Variants in PIK3C2G observed in about 807,000 individuals in gnomAD.
The protein encoded by PIK3C2G is phosphatidylinositol-4-phosphate 3-kinase catalytic subunit type 2 gamma.
PIK3C2G carries 168 observed loss-of-function variants against 181.1 expected under a neutral mutation model. That is an observed-to-expected ratio of 0.93 (90% CI 0.82 to 1.05). The LOEUF (loss-of-function observed/expected upper bound fraction) is 1.05. Ranked by LOEUF, PIK3C2G falls within the 50% of genes least tolerant of loss-of-function variation. The pLI is 0.00. For missense variants in PIK3C2G, 1,869 were observed against 1,732.8 expected, an observed-to-expected ratio of 1.08 and a Z score of -1.40; for synonymous variants, 573 against 592.2, an observed-to-expected ratio of 0.97 and a Z score of 0.47.
intron 29 of PIK3C2G, among the ~76,000 whole-genome samples, chr12:18,586,501 C>T (rs1946786416): frequency 6.6e-6 from 1 of 151,450 alleles, no homozygotes. Flanking sequence ...TCCTGGACAC[C>T]ATCCCAAGAC....
the PIK3C2G span, among the ~76,000 whole-genome samples, chr12:18,673,832 C>G: frequency 3.9e-5 from 6 of 152,210 alleles, no homozygotes; most frequent in Admixed American, 3.9e-4. Context: ...CAGTTGCTCA[C>G]TGGCTGTTCC....
chr12:18,712,926 T>C, the PIK3C2G span: 2 of 1,613,936 alleles, frequency 1.2e-6, no homozygotes, highest in Non-Finnish European at 1.7e-6. Flanking sequence ...ATACAACAGG[T>C]TCATTTTGTG....
Position 18,362,886 on chromosome 12 carries a change from C to A in PIK3C2G, c.1748C>A (p.Thr583Lys). The change falls in exon 12 of 33, where the codon ACG becomes AAG. Residue 583 changes from threonine to lysine, a missense_variant and splice_region_variant. Transcript: ENST00000538779. Reference sequence around the variant, plus strand: ...TTTTTCTTGGTCAACTGGAATGAAACGTAAGTTTAATCTTTACTGTATCTG... The same window carrying A: ...TTTTTCTTGGTCAACTGGAATGAAAAGTAAGTTTAATCTTTACTGTATCTG... ...LFFFLVNWNE[T>K]INFPLEIKSL... The A allele has an allele frequency of 6.7e-7, 1 of 1,493,574 alleles. No homozygotes were observed. The highest frequency in any genetic ancestry group is 2.2e-5 in the Admixed American group (1 of 44,514). The allele number at this position is 1,493,574 out of a possible 1,614,324, so 92.5% of individuals were successfully genotyped here. A position where few individuals can be genotyped will look rare whatever the true frequency, so the allele number is the denominator to read the frequency against.
chr12:18,359,726 G>A (rs993117432), intron 11 of PIK3C2G, among the ~76,000 whole-genome samples: 2 of 152,030 alleles, frequency 1.3e-5, no homozygotes, highest in African/African-American at 4.8e-5. Flanking sequence ...TCTTGTTATA[G>A]TTTTTTACTT....
chr12:18,488,330 T>C, intron 18 of PIK3C2G, 119 bp from the exon 19 acceptor site: 1 of 519,912 alleles, frequency 1.9e-6, no homozygotes, highest in Admixed American at 4.2e-5. Context: ...TTCTAGGTTG[T>C]TAAACTGCCC....
chr12:18,428,605 T>C (rs2135745008), intron 18 of PIK3C2G, among the ~76,000 whole-genome samples: 1 of 152,298 alleles, frequency 6.6e-6, no homozygotes, highest in Middle Eastern at 3.4e-3. Flanking sequence ...CACCAGATAC[T>C]GAGCTATGAA....
chr12:18,694,468 T>G, the PIK3C2G span, among the ~76,000 whole-genome samples: 131 of 152,156 alleles, frequency 8.6e-4, no homozygotes, highest in South Asian at 9.1e-3. Flanking sequence ...CACAGACATA[T>G]GGGGGGAAGA....
chr12:18,248,717 T>C (rs17407661), intron 1 of PIK3C2G, among the ~76,000 whole-genome samples: 8,967 of 152,246 alleles, frequency 0.059, 350 homozygotes, highest in Non-Finnish European at 0.093. Flanking sequence ...AACAACACTT[T>C]TGGGTATGCC....
intron 6 of PIK3C2G, chr12:18,319,908 A>G (rs538171579): frequency 6.6e-6 from 1 of 152,314 alleles, no homozygotes; most frequent in East Asian, 1.9e-4. Flanking sequence ...TAAGACTCAC[A>G]TCTTCGTTTC....
At chr12:18,494,154 ACT>A (rs1487972990) in intron 20 of PIK3C2G, among the ~76,000 whole-genome samples, 7 of 152,100 alleles carry the variant, frequency 4.6e-5, no homozygotes, top group African/African-American at 1.2e-4. Flanking sequence ...CTCCTCTAAG[ACT>A]CTGATTAATT....
intron 16 of PIK3C2G, among the ~76,000 whole-genome samples, chr12:18,411,291 G>T (rs1218108690): frequency 6.6e-6 from 1 of 152,042 alleles, no homozygotes; most frequent in African/African-American, 2.4e-5. Context: ...CTAGTGTTTT[G>T]GATATCTGGA....
chr12:18,520,089 G>A (rs1942816545), intron 24 of PIK3C2G, among the ~76,000 whole-genome samples: 2 of 151,012 alleles, frequency 1.3e-5, no homozygotes, highest in African/African-American at 4.9e-5. Context: ...GAGGCCTGCT[G>A]TTAGTCTGAT....
intron 15 of PIK3C2G, among the ~76,000 whole-genome samples, chr12:18,397,517 A>G (rs972493193): frequency 2.0e-5 from 3 of 152,074 alleles, no homozygotes; most frequent in Admixed American, 6.6e-5. Context: ...ATAAGAAGAT[A>G]GTATATGAAG....
the PIK3C2G span, chr12:18,701,397 TAAG>T: frequency 6.4e-7 from 1 of 1,567,608 alleles, no homozygotes; most frequent in Non-Finnish European, 8.6e-7. Flanking sequence ...AGAGTTTTTA[TAAG>T]AAGGAAAATG....
chr12:18,409,452 T>A lies in PIK3C2G; in HGVS notation c.2315+9605T>A, dbSNP rs138858842. The stretch of plus-strand genomic sequence containing the variant: ...TAGGAGAAATACCTAATGTAGATGA[T>A]GGGTTGATGGATGCAGCAAACCACC... On this transcript the variant is annotated intron_variant, in intron 16 of 32. Coordinates refer to ENST00000538779, the MANE Select transcript of PIK3C2G (RefSeq NM_001288772.2). Among the ~76,000 whole-genome samples, 1,350 of 152,098 alleles carry A rather than the reference T, an allele frequency of 8.9e-3. 16 individuals are homozygous for A. The highest frequency in any genetic ancestry group is 0.031 in the African/African-American group (1,303 of 41,482).
At chr12:18,652,000 TGGA>T (rs893886556), downstream of PIK3C2G, among the ~76,000 whole-genome samples, 17 of 152,154 alleles carry the variant, frequency 1.1e-4, no homozygotes, top group African/African-American at 4.1e-4. Flanking sequence ...TATTTATTAT[TGGA>T]GGAGAATAAA....
the PIK3C2G span, among the ~76,000 whole-genome samples, chr12:18,704,811 T>C: frequency 6.6e-6 from 1 of 152,146 alleles, no homozygotes; most frequent in Non-Finnish European, 1.5e-5. Context: ...TGTTGAGATA[T>C]TGGGTACTGA....
intron 8 of PIK3C2G, among the ~76,000 whole-genome samples, chr12:18,327,616 T>C (rs1342878149): frequency 6.6e-6 from 1 of 152,064 alleles, no homozygotes; most frequent in East Asian, 1.9e-4. Flanking sequence ...ACTGGACATT[T>C]TTTCCTCTCT....
chr12:18,414,609 TTTTG>T (rs1214410398), intron 16 of PIK3C2G, among the ~76,000 whole-genome samples: 1 of 152,186 alleles, frequency 6.6e-6, no homozygotes, highest in African/African-American at 2.4e-5. Flanking sequence ...TTATTCCCAA[TTTTG>T]TTTGCATACA....
Sources: gnomAD v4.1 joint callset for allele counts (sites outside exome capture counted in the v4.1 genomes callset) on GRCh38, gnomAD v4.1.1 for gene constraint, MANE v1.5 for transcripts, NCBI Gene and HGNC (gene_info 2026-07-23, HGNC 2026-07-21) for gene names.